RPTOR: variants seen among roughly 807,000 people sequenced by gnomAD.
RPTOR encodes the protein regulatory associated protein of MTOR complex 1, also known as regulatory-associated protein of mTOR.
A neutral mutation model predicts 169.9 loss-of-function variants in RPTOR; 21 were observed. That is an observed-to-expected ratio of 0.12 (90% confidence interval 0.09 to 0.18). The LOEUF (loss-of-function observed/expected upper bound fraction) is 0.18, where lower values mean the gene tolerates loss of function less well. Among genes scored for constraint, RPTOR ranks in the 10% least tolerant of loss-of-function variants. The pLI is 1.00. For synonymous variants in RPTOR, 732 were observed against 753.2 expected, an observed-to-expected ratio of 0.97 and a Z score of 0.46; for missense variants, 1,133 against 1,855.9, an observed-to-expected ratio of 0.61 and a Z score of 7.16.
intron 21 of RPTOR, among the ~76,000 whole-genome samples, chr17:80,922,394 G>A (rs908819540): frequency 2.0e-5 from 3 of 152,200 alleles, no homozygotes; most frequent in African/African-American, 7.2e-5. Flanking sequence ...CAGGGAAGGT[G>A]AGGAGGGTGG....
intron 1 of RPTOR, among the ~76,000 whole-genome samples, chr17:80,560,650 G>A (rs947203591): frequency 2.6e-5 from 4 of 152,142 alleles, no homozygotes; most frequent in African/African-American, 7.2e-5. Flanking sequence ...GGGTCTTCAG[G>A]GAAACGCCAC....
rs1295822521 is a variant in RPTOR at position 80,803,310 on chromosome 17, G to A, written c.890+11801G>A. On this transcript the variant is annotated intron_variant, in intron 7 of 33. Coordinates refer to ENST00000306801, the MANE Select transcript of RPTOR (RefSeq NM_020761.3). This position sits in a 1 kb window ranked among gnomAD's most constrained non-coding sequence, Gnocchi z 6.2. ...GAAACCGAGGCAAGGGAGGTGGAGAGACTTGCTCAGGGTCACAGAGAGTCA... is the reference window on the plus strand; with the variant it reads ...GAAACCGAGGCAAGGGAGGTGGAGAAACTTGCTCAGGGTCACAGAGAGTCA... The A allele has an allele frequency of 6.6e-6, 1 of 152,324 alleles. No homozygotes were observed. The highest frequency in any genetic ancestry group is 1.9e-4 in the East Asian group (1 of 5,194). 9.4% of individuals were successfully genotyped at this position (152,324 alleles called of 1,614,324 possible).
At chr17:80,862,339 C>T (rs2067926395) in intron 13 of RPTOR, among the ~76,000 whole-genome samples, 1 of 152,150 alleles carries the variant, frequency 6.6e-6, no homozygotes, top group Non-Finnish European at 1.5e-5. Flanking sequence ...CTCGCCCTTC[C>T]TTCCATCGTT....
In RPTOR at chr17:80,965,142, G is replaced by A. The variant is rs1002770108; in HGVS notation, c.*812G>A. The A allele has an allele frequency of 2.6e-4, 60 of 233,320 alleles. No individual in the cohort carries two copies. Among genetic ancestry groups the A allele is most frequent in the African/African-American group, 8.6e-4 (39 of 45,480 alleles). The allele number at this position is 233,320 out of a possible 1,614,324, so 14.5% of individuals were successfully genotyped here. ...TAATCCACGGGGCTCCTTTCCCTCC[G>A]AAGGGCTGCTCTTCCCCACAGGCGC... On this transcript the variant is annotated 3_prime_UTR_variant, in exon 34 of 34. Coordinates refer to ENST00000306801, the MANE Select transcript of RPTOR (RefSeq NM_020761.3).
At chr17:80,923,759 C>T (rs1422051254) in intron 23 of RPTOR, 86 bp downstream of exon 23, 2 of 1,395,534 alleles carry the variant, frequency 1.4e-6, no homozygotes, top group African/African-American at 1.4e-5. Flanking sequence ...TCAGGCTGCT[C>T]ACATCACCAT....
At chr17:80,702,701 G>A (rs2066111387) in intron 3 of RPTOR, among the ~76,000 whole-genome samples, 2 of 152,102 alleles carry the variant, frequency 1.3e-5, no homozygotes, top group African/African-American at 2.4e-5. Context: ...TCCGTTTTTC[G>A]CAGCCCCATG....
Position 80,925,424 on chromosome 17 carries a change from G to A in RPTOR, c.2863G>A (p.Val955Met), listed in dbSNP as rs776918039. The change falls in exon 24 of 34, where the codon GTG becomes ATG. Residue 955 changes from valine to methionine, a missense_variant. Physicochemically the swap from Val to Met is conservative, Grantham distance 21 (BLOSUM62 1). Around this residue, in one of 9 missense-constraint regions of RPTOR, gnomAD observed 410 missense variants for 623.7 expected, o/e 0.66. Transcript: ENST00000306801. ...ACACAAAAGTTTCATCTCCGCCACG[G>A]TGCAGACGGGGTTCTGCGACTGGAG... ...AGHKSFISAT[V>M]QTGFCDWSAR... 7 of 1,613,680 alleles carry A rather than the reference G, an allele frequency of 4.3e-6. No homozygotes were observed. Among genetic ancestry groups the A allele is most frequent in the Non-Finnish European group, 5.9e-6 (7 of 1,180,030 alleles).
intron 6 of RPTOR, among the ~76,000 whole-genome samples, chr17:80,760,087 C>T (rs1007836630): frequency 6.6e-6 from 1 of 151,998 alleles, no homozygotes; most frequent in Non-Finnish European, 1.5e-5. Context: ...GAGCGTAGGG[C>T]TTTGGGATTT....
chr17:80,907,247 G>A (rs1394671371), intron 20 of RPTOR, among the ~76,000 whole-genome samples: 2 of 152,372 alleles, frequency 1.3e-5, no homozygotes, highest in East Asian at 3.9e-4. Context: ...TAGTGAACAA[G>A]CACTTGCTTC....
intron 3 of RPTOR, among the ~76,000 whole-genome samples, chr17:80,676,736 C>T (rs1313176634): frequency 1.3e-5 from 2 of 152,236 alleles, no homozygotes; most frequent in Non-Finnish European, 2.9e-5. Context: ...GGCTGAACTG[C>T]GGTCCCCACT....
chr17:80,672,404 C>G (rs901738864), intron 3 of RPTOR, among the ~76,000 whole-genome samples: 1 of 148,898 alleles, frequency 6.7e-6, no homozygotes. Flanking sequence ...ACCTCATTGT[C>G]CAAGATGGCT....
At chr17:80,814,188 G>A (rs565975012) in intron 7 of RPTOR, among the ~76,000 whole-genome samples, 1 of 152,096 alleles carries the variant, frequency 6.6e-6, no homozygotes, top group South Asian at 2.1e-4. Flanking sequence ...TCCCTTTTCA[G>A]GAAACTTGCT....
rs1307553895 is a variant in RPTOR at position 80,696,082 on chromosome 17, A to AT, written c.349-11754dup. Among the ~76,000 whole-genome samples, 6 of 151,994 alleles carry AT rather than the reference A, an allele frequency of 3.9e-5. 1 individual carries two copies. Among genetic ancestry groups the AT allele is most frequent in the Admixed American group, 3.9e-4 (6 of 15,262 alleles). On this transcript the variant is annotated intron_variant, in intron 3 of 33. Transcript: ENST00000306801. ...TGTGAGTCCCTGTAGGGCAGGATAGATTTTTCCGGCAGGGCTGCAGCCTGG... is the reference window on the plus strand; with the variant it reads ...TGTGAGTCCCTGTAGGGCAGGATAGATTTTTTCCGGCAGGGCTGCAGCCTGG...
At chr17:80,733,783 A>G (rs1322182144) in intron 5 of RPTOR, among the ~76,000 whole-genome samples, 2 of 152,196 alleles carry the variant, frequency 1.3e-5, no homozygotes, top group African/African-American at 4.8e-5. Context: ...AGGCTGCGTC[A>G]CTCACGACGC....
intron 13 of RPTOR, among the ~76,000 whole-genome samples, chr17:80,858,555 C>T (rs919912007): frequency 6.6e-6 from 1 of 152,226 alleles, no homozygotes; most frequent in African/African-American, 2.4e-5. Context: ...TGCTTGGGTG[C>T]TGGCAGGGGT....
At chr17:80,624,164 A>G (rs2065376019) in intron 1 of RPTOR, among the ~76,000 whole-genome samples, 1 of 152,206 alleles carries the variant, frequency 6.6e-6, no homozygotes, top group Admixed American at 6.5e-5. Flanking sequence ...TGATTTATGG[A>G]ACACCAGGTC....
chr17:80,847,993 G>A (rs867588847), intron 11 of RPTOR, among the ~76,000 whole-genome samples: 1 of 152,244 alleles, frequency 6.6e-6, no homozygotes, highest in Non-Finnish European at 1.5e-5. Context: ...AGCCAGCGTC[G>A]CAGGCGTGCT....
chr17:80,841,947 ACACTCACCGCACGGCAGCTCACT>A (rs2067672679), intron 10 of RPTOR, among the ~76,000 whole-genome samples: 1 of 139,008 alleles, frequency 7.2e-6, no homozygotes, highest in African/African-American at 2.8e-5. Context: ...ACGGCAGCTC[ACACTCACCGCACGGCAGCTCACT>A]CTCACCGCAC....
chr17:80,702,405 T>C (rs2066108732), intron 3 of RPTOR, among the ~76,000 whole-genome samples: 1 of 152,206 alleles, frequency 6.6e-6, no homozygotes, highest in Non-Finnish European at 1.5e-5. Flanking sequence ...TTTGTCATTT[T>C]ATATGTCCAG....
Sources: allele counts gnomAD v4.1 joint callset (sites outside exome capture counted in the v4.1 genomes callset), GRCh38; gene constraint gnomAD v4.1.1; regional missense constraint gnomAD v4.1.1; non-coding constraint Gnocchi (gnomAD v3.1); transcripts MANE v1.5; gene names NCBI Gene and HGNC (gene_info 2026-07-23, HGNC 2026-07-21).